The following KCND2 variants were observed in gnomAD, a reference collection of about 807,000 sequenced individuals.
KCND2 encodes the protein A-type voltage-gated potassium channel KCND2.
Under a neutral mutation model 54.4 loss-of-function variants are expected in KCND2, and 16 were observed. The observed-to-expected ratio is 0.29, with a 90% confidence interval of 0.20 to 0.45. The LOEUF is 0.45. KCND2 is among the 20% of genes least tolerant of loss of function. The probability of loss-of-function intolerance (pLI) is 1.00; values close to 1 mark genes in which losing one functional copy is unlikely to be tolerated. For missense variants in KCND2, 486 were observed against 824.2 expected (o/e 0.59, Z 5.02); for synonymous variants, 317 against 310.7 (o/e 1.02, Z -0.21).
chr7:120,658,747 T>C (rs1196724960), intron 1 of KCND2, among the ~76,000 whole-genome samples: 1 of 152,220 alleles, frequency 6.6e-6, no homozygotes, highest in Non-Finnish European at 1.5e-5. Flanking sequence ...TTCATTCTCT[T>C]AATCATTATT....
At chr7:120,280,787 C>G (rs2116254765) in intron 1 of KCND2, among the ~76,000 whole-genome samples, 1 of 152,132 alleles carries the variant, frequency 6.6e-6, no homozygotes, top group South Asian at 2.1e-4. Flanking sequence ...TCTGAAGACC[C>G]TAAAACATTA....
At chr7:120,384,878 A>G (rs1002944959) in intron 1 of KCND2, among the ~76,000 whole-genome samples, 1 of 151,896 alleles carries the variant, frequency 6.6e-6, no homozygotes, top group Non-Finnish European at 1.5e-5. Flanking sequence ...CTCTGTTCTT[A>G]TGGAAAAAAG....
intron 1 of KCND2, among the ~76,000 whole-genome samples, chr7:120,678,853 A>G (rs565158755): frequency 2.7e-4 from 40 of 150,274 alleles, no homozygotes; most frequent in African/African-American, 9.0e-4. Context: ...TGAGTTGTGT[A>G]TATGTTTACA....
In KCND2 at chr7:120,349,323, C is replaced by CAA. The variant is rs1554429886; in HGVS notation, c.1115+73577_1115+73578insAA. On this transcript the variant is annotated intron_variant, in intron 1 of 5. Transcript: ENST00000331113. ...ACACACACACAAACACACACACACA[C>CAA]ACAAACACACACACACACACACACA... Among the ~76,000 whole-genome samples the CAA allele has an allele frequency of 4.3e-4, 31 of 72,548 alleles. 1 individual carries two copies. In the South Asian group the frequency reaches 0.011, roughly 25 times the overall value. 47.6% of individuals were successfully genotyped at this position (72,548 alleles called of 152,430 possible).
At chr7:120,567,458 G>T (rs1000040078) in intron 1 of KCND2, among the ~76,000 whole-genome samples, 3 of 152,058 alleles carry the variant, frequency 2.0e-5, no homozygotes, top group Non-Finnish European at 2.9e-5. Flanking sequence ...GGAGCCAAAT[G>T]AACATAAATT....
chr7:120,702,914 T>A (rs1792421565), intron 1 of KCND2, among the ~76,000 whole-genome samples: 1 of 152,134 alleles, frequency 6.6e-6, no homozygotes, highest in South Asian at 2.1e-4. Context: ...AACCTGCACA[T>A]GTACCCCTGA....
At chr7:120,665,942 A>G (rs1402831956) in intron 1 of KCND2, among the ~76,000 whole-genome samples, 1 of 152,112 alleles carries the variant, frequency 6.6e-6, no homozygotes, top group African/African-American at 2.4e-5. Flanking sequence ...ACAAATAACA[A>G]TGTATTAAAT....
intron 1 of KCND2, among the ~76,000 whole-genome samples, chr7:120,599,222 T>C (rs113722925): frequency 7.2e-5 from 11 of 152,270 alleles, no homozygotes; most frequent in African/African-American, 2.4e-4. Context: ...TTGAATACTG[T>C]AGCTTCATAA....
intron 1 of KCND2, among the ~76,000 whole-genome samples, chr7:120,471,947 T>C (rs186627505): frequency 1.3e-3 from 200 of 151,940 alleles, no homozygotes; most frequent in Non-Finnish European, 1.6e-3. Context: ...AACTAGACTA[T>C]AAGAATATTT....
chr7:120,548,306 T>C (rs368289424), intron 1 of KCND2, among the ~76,000 whole-genome samples: 2 of 152,224 alleles, frequency 1.3e-5, no homozygotes, highest in Admixed American at 6.5e-5. Flanking sequence ...TACAGGAAGA[T>C]AGTCTTATTT....
chr7:120,363,885 CT>C (rs1479550021), intron 1 of KCND2, among the ~76,000 whole-genome samples: 1 of 152,074 alleles, frequency 6.6e-6, no homozygotes, highest in African/African-American at 2.4e-5. Context: ...CACTGGCATT[CT>C]TATTGCTTTT....
chr7:120,506,354 T>C (rs902360538), intron 1 of KCND2, among the ~76,000 whole-genome samples: 1 of 151,860 alleles, frequency 6.6e-6, no homozygotes, highest in Non-Finnish European at 1.5e-5. Flanking sequence ...GAAATGATGC[T>C]GAGATCACAG....
intron 1 of KCND2, among the ~76,000 whole-genome samples, chr7:120,471,802 C>T (rs183446482): frequency 1.3e-5 from 2 of 152,092 alleles, no homozygotes; most frequent in African/African-American, 2.4e-5. Flanking sequence ...TTATTACTTT[C>T]TGATATTGAG....
intron 1 of KCND2, among the ~76,000 whole-genome samples, chr7:120,602,159 T>G (rs1273781932): frequency 1.3e-5 from 2 of 152,168 alleles, no homozygotes; most frequent in Non-Finnish European, 2.9e-5. Flanking sequence ...GTAAATAGCA[T>G]TAAGGGAAAA....
chr7:120,345,935 A>T (rs1256979534), intron 1 of KCND2, among the ~76,000 whole-genome samples: 1 of 152,156 alleles, frequency 6.6e-6, no homozygotes, highest in Non-Finnish European at 1.5e-5. Context: ...TATTTTCCAT[A>T]ATGATTGCAC....
At chr7:120,439,073 G>A (rs1211797459) in intron 1 of KCND2, among the ~76,000 whole-genome samples, 3 of 152,024 alleles carry the variant, frequency 2.0e-5, no homozygotes, top group South Asian at 2.1e-4. Context: ...ATATTTGGAC[G>A]AGAAGACTAA....
At chr7:120,338,297 A>T (rs1800179991) in intron 1 of KCND2, among the ~76,000 whole-genome samples, 1 of 152,126 alleles carries the variant, frequency 6.6e-6, no homozygotes, top group Admixed American at 6.5e-5. Flanking sequence ...ACTTCTCACT[A>T]GATAATAGAA....
intron 1 of KCND2, among the ~76,000 whole-genome samples, chr7:120,362,770 G>T (rs1800609955): frequency 6.6e-6 from 1 of 152,034 alleles, no homozygotes; most frequent in Non-Finnish European, 1.5e-5. Flanking sequence ...ATACTTTATG[G>T]CTTCCTTCTA....
intron 1 of KCND2, among the ~76,000 whole-genome samples, chr7:120,650,057 T>G (rs1463785671): frequency 1.3e-5 from 2 of 151,882 alleles, no homozygotes. Context: ...CATTTTTTCC[T>G]TCATTTCAAC....
Sources: gnomAD v4.1 joint callset for allele counts (sites outside exome capture counted in the v4.1 genomes callset) on GRCh38, gnomAD v4.1.1 for gene constraint, MANE v1.5 for transcripts, NCBI Gene and HGNC (gene_info 2026-07-23, HGNC 2026-07-21) for gene names.